The following RELN variants were observed in gnomAD, a reference collection of about 807,000 sequenced individuals.
The protein encoded by RELN is reelin.
Under a neutral mutation model 427.6 loss-of-function variants are expected in RELN, and 108 were observed. That is an observed-to-expected ratio of 0.25 (90% confidence interval 0.22 to 0.30). The LOEUF (loss-of-function observed/expected upper bound fraction) is 0.30, where lower values mean the gene tolerates loss of function less well. Ranked by LOEUF, RELN falls within the 10% of genes least tolerant of loss-of-function variation. The pLI, the probability that RELN is intolerant of heterozygous loss-of-function variation, is 1.00. For synonymous variants in RELN, 1,524 were observed against 1,513.4 expected (o/e 1.01, Z -0.16); for missense variants, 3,715 against 4,302.8 (o/e 0.86, Z 3.82).
At chr7:103,601,244 T>C (rs362636) in intron 24 of RELN, among the ~76,000 whole-genome samples, 113,207 of 151,680 alleles carry the variant, frequency 0.75, 42,856 homozygotes, top group African/African-American at 0.87. Context: ...GAACAACAGG[T>C]GATCCAGATA....
chr7:103,749,368 AG>A, intron 6 of RELN, 57 bp downstream of exon 6: 2 of 1,267,582 alleles, frequency 1.6e-6, no homozygotes, highest in Non-Finnish European at 2.3e-6. Flanking sequence ...TTAAAGGAGC[AG>A]TCAGCATCAT....
rs1264579678 is a variant in RELN at position 103,968,869 on chromosome 7, G to A, written c.226+20262C>T. ...AAGAATTTGTATATGAATTGTCATGGTTTTATGGAAATATAACAAGCCAGT... is the reference window on the plus strand; with the variant it reads ...AAGAATTTGTATATGAATTGTCATGATTTTATGGAAATATAACAAGCCAGT... On this transcript the variant is annotated intron_variant, in intron 1 of 64. Transcript: ENST00000428762. This position sits in a 1 kb window ranked among gnomAD's most constrained non-coding sequence, Gnocchi z 4.3. Among the ~76,000 whole-genome samples the A allele has an allele frequency of 1.3e-5, 2 of 152,068 alleles. No individual in the cohort carries two copies. The highest frequency in any genetic ancestry group is 2.9e-5 in the Non-Finnish European group (2 of 68,008).
intron 16 of RELN, among the ~76,000 whole-genome samples, chr7:103,643,631 A>C (rs1832738309): frequency 6.6e-6 from 1 of 152,068 alleles, no homozygotes; most frequent in Non-Finnish European, 1.5e-5. Context: ...TATTAAAAAA[A>C]AGATTAGCAT....
intron 63 of RELN, among the ~76,000 whole-genome samples, chr7:103,479,125 G>C (rs1037650364): frequency 1.3e-5 from 2 of 152,160 alleles, no homozygotes; most frequent in African/African-American, 4.8e-5. Flanking sequence ...ACACATGACA[G>C]GTGTGACTTA....
rs534215291 is a variant in RELN, at chr7:103,583,532, A to G, written c.4145+6064T>C. Among the ~76,000 whole-genome samples the G allele has an allele frequency of 5.8e-4, 88 of 152,356 alleles. No homozygotes were observed. The Middle Eastern group carries it at 0.014, about 24-fold the overall frequency. On this transcript the variant is annotated intron_variant, in intron 28 of 64. Transcript: ENST00000428762. ...AGTTAAGTGTGTGAGGCGACTTAAT[A>G]GTGAAAGATAAAAGTTTAGAAGATT...
intron 3 of RELN, among the ~76,000 whole-genome samples, chr7:103,813,836 G>C (rs1792803557): frequency 2.0e-5 from 3 of 152,088 alleles, no homozygotes; most frequent in African/African-American, 7.2e-5. Context: ...CTCCTTAAAT[G>C]AATCACAAGA....
chr7:103,636,937 A>C (rs1363233481), intron 17 of RELN, among the ~76,000 whole-genome samples: 1 of 152,216 alleles, frequency 6.6e-6, no homozygotes, highest in African/African-American at 2.4e-5. Flanking sequence ...CTATTGGAAA[A>C]TGAATCTATC....
In RELN at chr7:103,519,744, A is replaced by G. The variant is rs114961817; in HGVS notation, c.7669-228T>C. Reference sequence around the variant, plus strand: ...ACTACGGGTACATGCCTCCATGTCTAGCTAATTTTTTGTAGAGACAGGGTT... The same window carrying G: ...ACTACGGGTACATGCCTCCATGTCTGGCTAATTTTTTGTAGAGACAGGGTT... On this transcript the variant is annotated intron_variant, in intron 48 of 64. Transcript: ENST00000428762. Among the ~76,000 whole-genome samples the G allele has an allele frequency of 0.022, 3,402 of 151,964 alleles. 139 individuals are homozygous for G. The highest frequency in any genetic ancestry group is 0.078 in the African/African-American group (3,242 of 41,436).
chr7:103,665,368 A>G (rs200435463), intron 11 of RELN, among the ~76,000 whole-genome samples: 6,690 of 139,254 alleles, frequency 0.048, 170 homozygotes, highest in East Asian at 0.13. Context: ...GTGTGTATAT[A>G]TATATATATA....
chr7:103,600,477 G>T (rs964336358), intron 24 of RELN, among the ~76,000 whole-genome samples: 1 of 152,156 alleles, frequency 6.6e-6, no homozygotes, highest in Non-Finnish European at 1.5e-5. Context: ...CTCATAGTGA[G>T]AGCTGGCCTG....
intron 4 of RELN, 118 bp downstream of exon 4, chr7:103,776,439 T>C: frequency 1.9e-6 from 2 of 1,031,676 alleles, no homozygotes; most frequent in Middle Eastern, 4.1e-4. Context: ...GGTCAATACT[T>C]ACATTTTTAA....
chr7:103,821,162 C>T (rs570165886), intron 3 of RELN, among the ~76,000 whole-genome samples: 149 of 152,262 alleles, frequency 9.8e-4, no homozygotes, highest in Non-Finnish European at 1.8e-3. Context: ...TATCACATTA[C>T]AGACTAGGAA....
chr7:103,666,803 G>A (rs926765530), intron 11 of RELN, among the ~76,000 whole-genome samples: 1 of 152,000 alleles, frequency 6.6e-6, no homozygotes, highest in Non-Finnish European at 1.5e-5. Context: ...CCATTCTTCT[G>A]GGAGATTTTT....
rs200915887 is a variant in RELN, at chr7:103,515,344, C to T, written c.7960G>A (p.Ala2654Thr). ...CCTGAGATGAGGACATTGTCAATGG[C>T]CCAGTCGTTCTGATCCAGGCCGTCA... ...RHDGLDQNDW[A>T]IDNVLISGSA... is the part of the protein sequence containing the mutation. Residue 2654 changes from alanine (A) to threonine (T), a missense_variant, in exon 50 of 65, where the codon GCC (alanine) becomes ACC (threonine). By Grantham distance (58) the Ala-to-Thr change is moderately conservative (BLOSUM62 0). Transcript: ENST00000428762. 4.3e-6 allele frequency: 7 copies of T among 1,614,024 alleles called. No individual in the cohort carries two copies. The highest frequency in any genetic ancestry group is 5.9e-6 in the Non-Finnish European group (7 of 1,179,982).
rs1790122563 is a variant in RELN, at chr7:103,723,251, T to C, written c.754-60A>G. 6.1e-6 allele frequency: 6 copies of C among 987,132 alleles called. 1 individual carries two copies. In the Admixed American group the frequency reaches 8.7e-5, roughly 14 times the overall value. The allele number at this position is 987,132 out of a possible 1,614,324, so 61.1% of individuals were successfully genotyped here. Reference sequence around the variant, plus strand: ...ACAGAGAGGAGAAAGAGGAGAAAGATGCTGGGAGGGGTACGGGGAGGGGAA... The same window carrying C: ...ACAGAGAGGAGAAAGAGGAGAAAGACGCTGGGAGGGGTACGGGGAGGGGAA... On this transcript the variant is annotated intron_variant, in intron 7 of 64. Transcript: ENST00000428762.
Position 103,904,443 on chromosome 7 carries a change from A to T in RELN, c.337+12632T>A, listed in dbSNP as rs182432977. 2.1e-3 allele frequency among the ~76,000 whole-genome samples: 317 copies of T among 152,264 alleles called. 1 individual carries two copies. Among genetic ancestry groups the T allele is most frequent in the African/African-American group, 6.9e-3 (286 of 41,548 alleles). ...AGGGGATCGCCACACTGTCTTCCAC[A>T]ATGGTTGAACTAACTTACATTCCCA... is the stretch of plus-strand genomic sequence containing the variant. On this transcript the variant is annotated intron_variant, in intron 2 of 64. Transcript: ENST00000428762.
chr7:103,923,647 C>G (rs1453746983), intron 1 of RELN, among the ~76,000 whole-genome samples: 1 of 152,110 alleles, frequency 6.6e-6, no homozygotes, highest in Non-Finnish European at 1.5e-5. Flanking sequence ...AGAGATCGTT[C>G]CTACCTTACC....
At chr7:103,715,064 A>T (rs1789904151) in intron 8 of RELN, among the ~76,000 whole-genome samples, 1 of 152,218 alleles carries the variant, frequency 6.6e-6, no homozygotes, top group Admixed American at 6.5e-5. Context: ...TGGATAGGGA[A>T]GTCTAGACTT....
At chr7:103,703,124 C>A (rs912797217) in intron 8 of RELN, among the ~76,000 whole-genome samples, 6 of 152,086 alleles carry the variant, frequency 3.9e-5, no homozygotes, top group African/African-American at 1.4e-4. Flanking sequence ...AGAGGCACTG[C>A]CCATGCCAGA....
Sources: allele counts gnomAD v4.1 joint callset (sites outside exome capture counted in the v4.1 genomes callset), GRCh38; gene constraint gnomAD v4.1.1; non-coding constraint Gnocchi (gnomAD v3.1); transcripts MANE v1.5; gene names NCBI Gene and HGNC (gene_info 2026-07-23, HGNC 2026-07-21).